Variants in RARB observed in about 807,000 individuals in gnomAD.
RARB encodes HBV-activated protein.
A neutral mutation model predicts 51.9 loss-of-function variants in RARB; 17 were observed. The ratio of observed to expected loss-of-function variants is 0.33; its 90% CI spans 0.22 to 0.49. The LOEUF (loss-of-function observed/expected upper bound fraction) is 0.49, where lower values mean the gene tolerates loss of function less well. Ranked by LOEUF, RARB falls within the 20% of genes least tolerant of loss-of-function variation. The pLI is 0.99. For missense variants in RARB, 369 were observed against 550.8 expected (o/e 0.67, Z 3.30); for synonymous variants, 215 against 195.4 (o/e 1.10, Z -0.84).
At chr3:25,186,273 T>A (rs1281075398) in intron 5 of RARB, among the ~76,000 whole-genome samples, 2 of 151,950 alleles carry the variant, frequency 1.3e-5, no homozygotes, top group Non-Finnish European at 2.9e-5. Context: ...GATGAAAAAA[T>A]TAAGAATTAT....
intron 4 of RARB, among the ~76,000 whole-genome samples, chr3:25,575,247 C>G (rs1206370718): frequency 2.6e-5 from 4 of 152,160 alleles, no homozygotes; most frequent in Non-Finnish European, 5.9e-5. Context: ...CGATAACGCT[C>G]GCTCCTGGCC....
intron 2 of RARB, among the ~76,000 whole-genome samples, chr3:24,988,504 C>T (rs1227640737): frequency 6.6e-6 from 1 of 152,150 alleles, no homozygotes; most frequent in Admixed American, 6.5e-5. Flanking sequence ...TCATTTCCTT[C>T]CCTTGCTCCC....
intron 5 of RARB, among the ~76,000 whole-genome samples, chr3:25,195,012 T>C (rs1298833044): frequency 1.3e-5 from 2 of 151,978 alleles, no homozygotes; most frequent in East Asian, 1.9e-4. Context: ...ATATTTTCTT[T>C]TAACAGAAAC....
rs577927121 is a variant in RARB, at chr3:24,861,056, C to A, written c.-380+2304C>A. On this transcript the variant is annotated intron_variant, in intron 2 of 11. Coordinates refer to the RARB transcript ENST00000383772. ...GGATACATGACTGTCTTATATTTGG[C>A]AAATATAGTTGACCACTGAGGGTTT... 5.9e-5 allele frequency among the ~76,000 whole-genome samples: 9 copies of A among 152,242 alleles called. No individual in the cohort carries two copies. In the East Asian group the frequency reaches 1.7e-3, roughly 29 times the overall value.
At chr3:25,009,666 A>T (rs1226118052) in intron 2 of RARB, among the ~76,000 whole-genome samples, 2 of 152,178 alleles carry the variant, frequency 1.3e-5, no homozygotes, top group African/African-American at 4.8e-5. Context: ...GTCTCCAAGG[A>T]GTTCCTTCTC....
chr3:24,904,486 G>A (rs1033361734), intron 2 of RARB, among the ~76,000 whole-genome samples: 16 of 152,184 alleles, frequency 1.1e-4, no homozygotes, highest in Non-Finnish European at 2.1e-4. Flanking sequence ...CAGTTAGAAT[G>A]GCGATCATTA....
chr3:25,192,242 G>A (rs1470712747), intron 5 of RARB, among the ~76,000 whole-genome samples: 1 of 152,096 alleles, frequency 6.6e-6, no homozygotes, highest in African/African-American at 2.4e-5. Context: ...TAAGACTGAA[G>A]CATAGTAGCC....
At chr3:25,487,699 T>A (rs1463222957) in intron 2 of RARB, among the ~76,000 whole-genome samples, 2 of 152,220 alleles carry the variant, frequency 1.3e-5, no homozygotes, top group Non-Finnish European at 1.5e-5. Context: ...AATTACACAT[T>A]AATTCAGAAT....
intron 3 of RARB, among the ~76,000 whole-genome samples, chr3:25,066,565 G>A (rs1559453620): frequency 6.6e-6 from 1 of 151,638 alleles, no homozygotes; most frequent in Non-Finnish European, 1.5e-5. Context: ...CTGATTCTGT[G>A]TGTATATGTA....
chr3:25,541,464 G>C (rs1367238504), intron 3 of RARB, among the ~76,000 whole-genome samples: 1 of 152,138 alleles, frequency 6.6e-6, no homozygotes, highest in Non-Finnish European at 1.5e-5. Flanking sequence ...GCTTGCAACA[G>C]TCCCTGGCAT....
intron 5 of RARB, among the ~76,000 whole-genome samples, chr3:25,323,024 G>A (rs1273418913): frequency 6.6e-6 from 1 of 152,202 alleles, no homozygotes; most frequent in East Asian, 1.9e-4. Flanking sequence ...ACTGGGGTCA[G>A]AGGATCCAAA....
At chr3:24,967,075 C>T (rs150440742) in intron 2 of RARB, among the ~76,000 whole-genome samples, 4 of 152,162 alleles carry the variant, frequency 2.6e-5, no homozygotes, top group East Asian at 1.9e-4. Flanking sequence ...ACATATACTT[C>T]GAAAGTCAAC....
chr3:24,836,006 C>T (rs993523639), intron 1 of RARB, among the ~76,000 whole-genome samples: 1 of 152,124 alleles, frequency 6.6e-6, no homozygotes, highest in Non-Finnish European at 1.5e-5. Flanking sequence ...GCATCATGGG[C>T]TTTGGAAAAG....
In RARB at chr3:24,888,028, T is replaced by A. The variant is rs557424026; in HGVS notation, c.-380+29276T>A. 7.6e-4 allele frequency among the ~76,000 whole-genome samples: 115 copies of A among 152,302 alleles called. 2 individuals are homozygous for A. The highest frequency in any genetic ancestry group is 1.7e-3 in the South Asian group (8 of 4,822). On this transcript the variant is annotated intron_variant, in intron 2 of 11. Transcript: ENST00000383772. ...TGGCCTACATGCATATGTTGGATACTGTTATTATATGACTCTTGGTGATTC... is the reference window on the plus strand; with the variant it reads ...TGGCCTACATGCATATGTTGGATACAGTTATTATATGACTCTTGGTGATTC...
chr3:24,838,095 A>G (rs1702366545), intron 1 of RARB, among the ~76,000 whole-genome samples: 1 of 152,106 alleles, frequency 6.6e-6, no homozygotes, highest in South Asian at 2.1e-4. Context: ...TAAAGTCCCT[A>G]TTTCCTTGCT....
intron 2 of RARB, among the ~76,000 whole-genome samples, chr3:25,468,679 T>A (rs1012842306): frequency 6.6e-6 from 1 of 152,132 alleles, no homozygotes; most frequent in Admixed American, 6.5e-5. Context: ...GGGCATATTT[T>A]TAAAAAACAT....
intron 2 of RARB, among the ~76,000 whole-genome samples, chr3:25,488,834 C>T (rs772271710): frequency 2.9e-4 from 44 of 152,290 alleles, no homozygotes; most frequent in South Asian, 4.1e-4. Context: ...AAACAGGTCC[C>T]CCTACATCCA....
At chr3:25,050,595 T>C (rs9820531) in intron 2 of RARB, among the ~76,000 whole-genome samples, 117,409 of 152,112 alleles carry the variant, frequency 0.77, 45,527 homozygotes, top group East Asian at 0.92. Context: ...CCTGAGGCAA[T>C]CATTTTCAGC....
intron 2 of RARB, among the ~76,000 whole-genome samples, chr3:24,898,957 T>C (rs559569651): frequency 4.4e-4 from 67 of 152,284 alleles, no homozygotes; most frequent in African/African-American, 1.6e-3. Context: ...TGGCCAAAAC[T>C]GTCTCATGAC....
Sources: allele counts gnomAD v4.1 joint callset (sites outside exome capture counted in the v4.1 genomes callset), GRCh38; gene constraint gnomAD v4.1.1; transcripts MANE v1.5; gene names NCBI Gene and HGNC (gene_info 2026-07-23, HGNC 2026-07-21).